PTK2B: variants seen among roughly 807,000 people sequenced by gnomAD.
The protein encoded by PTK2B is protein tyrosine kinase 2 beta, also known as protein-tyrosine kinase 2-beta.
Under a neutral mutation model 142.9 loss-of-function variants are expected in PTK2B, and 71 were observed. The ratio of observed to expected loss-of-function variants is 0.50; its 90% CI spans 0.41 to 0.61. The LOEUF is 0.61. Ranked by LOEUF, PTK2B falls within the 20% of genes least tolerant of loss-of-function variation. PTK2B has a pLI of 0.00. For synonymous variants in PTK2B, 519 were observed against 503.4 expected (o/e 1.03, Z -0.42); for missense variants, 1,105 against 1,320.4 (o/e 0.84, Z 2.53).
chr8:27,318,587 G>A (rs1563453961), intron 3 of PTK2B, among the ~76,000 whole-genome samples: 1 of 152,166 alleles, frequency 6.6e-6, no homozygotes, highest in African/African-American at 2.4e-5. Flanking sequence ...CAATAGCTGC[G>A]GAAACCATGT....
chr8:27,310,812 G>A (rs893956370), upstream of PTK2B: 1 of 1,596,740 alleles, frequency 6.3e-7, no homozygotes. Flanking sequence ...CGAAAGTCGT[G>A]GGCAGTGTCC....
At chr8:27,455,888 T>TCCCACTGCTGGAGC (rs1298037658) in intron 30 of PTK2B, among the ~76,000 whole-genome samples, 9 of 152,220 alleles carry the variant, frequency 5.9e-5, no homozygotes, top group Admixed American at 5.9e-4. Context: ...AGCCCTTTGA[T>TCCCACTGCTGGAGC]CCACTGCCTC....
At chr8:27,325,297 A>G (rs1277530368), upstream of PTK2B, 2 of 152,250 alleles carry the variant, frequency 1.3e-5, no homozygotes, top group African/African-American at 4.8e-5. Flanking sequence ...GGTGTTAGGA[A>G]TTGGGGAGTT....
At chr8:27,328,721 G>A (rs937520145) in intron 1 of PTK2B, among the ~76,000 whole-genome samples, 2 of 152,142 alleles carry the variant, frequency 1.3e-5, no homozygotes, top group Non-Finnish European at 2.9e-5. Context: ...AAAAAGACAC[G>A]TGTCATTCCC....
chr8:27,346,029 A>G (rs1338193097), intron 1 of PTK2B, among the ~76,000 whole-genome samples: 1 of 152,180 alleles, frequency 6.6e-6, no homozygotes, highest in Non-Finnish European at 1.5e-5. Context: ...CTCTGCCAGA[A>G]GAGCTGTTTC....
chr8:27,378,601 C>CCGTGTG lies in PTK2B; in HGVS notation c.-37-18947_-37-18946insCGTGTG, dbSNP rs1234594101. Among the ~76,000 whole-genome samples, 275 of 148,284 alleles carry CCGTGTG rather than the reference C, an allele frequency of 1.9e-3. 2 individuals carry two copies. Among genetic ancestry groups the CCGTGTG allele is most frequent in the African/African-American group, 6.4e-3 (256 of 40,222 alleles). Reference sequence around the variant, plus strand: ...AAGAGTATAAAATCTTACAGCTTATCTGTGTGTGTGTGTGTGTGTGTGTGT... The same window carrying CCGTGTG: ...AAGAGTATAAAATCTTACAGCTTATCCGTGTGTGTGTGTGTGTGTGTGTGTGTGTGT... On this transcript the variant is annotated intron_variant, in intron 1 of 30. Transcript: ENST00000346049.
intron 1 of PTK2B, among the ~76,000 whole-genome samples, chr8:27,333,125 A>C (rs1256850993): frequency 6.6e-6 from 1 of 152,194 alleles, no homozygotes; most frequent in Non-Finnish European, 1.5e-5. Context: ...GACAGGATAC[A>C]CTGTGGGAAC....
At chr8:27,372,546 A>G (rs891245198) in intron 1 of PTK2B, among the ~76,000 whole-genome samples, 2 of 152,194 alleles carry the variant, frequency 1.3e-5, no homozygotes, top group Non-Finnish European at 2.9e-5. Context: ...CACTTTACTC[A>G]GTCTACCAAC....
At chr8:27,399,512 G>A in intron 2 of PTK2B, among the ~76,000 whole-genome samples, 1 of 152,166 alleles carries the variant, frequency 6.6e-6, no homozygotes, top group East Asian at 1.9e-4. Context: ...AAATGGACAG[G>A]CACTAGGGAA....
chr8:27,428,582 G>C (rs532549370), intron 5 of PTK2B, among the ~76,000 whole-genome samples: 1 of 152,270 alleles, frequency 6.6e-6, no homozygotes, highest in East Asian at 1.9e-4. Context: ...GACATTTGGG[G>C]CTGGATACTT....
chr8:27,450,651 G>A, intron 24 of PTK2B, 98 bp from the exon 25 acceptor site: 1 of 1,471,614 alleles, frequency 6.8e-7, no homozygotes. Context: ...CCAGGCCAAG[G>A]CTTGCAGCTG....
intron 2 of PTK2B, among the ~76,000 whole-genome samples, chr8:27,418,226 G>T (rs1809521855): frequency 6.6e-6 from 1 of 152,154 alleles, no homozygotes; most frequent in African/African-American, 2.4e-5. Context: ...CAGGCTGAGG[G>T]TCTTCTAGTT....
At chr8:27,430,528 C>T (rs1267770460) in intron 7 of PTK2B, 110 bp downstream of exon 7, 2 of 1,432,438 alleles carry the variant, frequency 1.4e-6, no homozygotes, top group East Asian at 2.3e-5. Context: ...TCTGCGCGGC[C>T]TCGGGCATTT....
At position 27,433,404 on chromosome 8, in the gene PTK2B, G is replaced by A. The variant is rs1365617738; in HGVS notation, c.988-31G>A. ...GGTGGTCTCTAGCCAAGGCTCTGGG[G>A]TCTCACCCTTGGCTGGTCTCTGCTC... On this transcript the variant is annotated intron_variant, in intron 10 of 30. Coordinates refer to ENST00000346049, the MANE Select transcript of PTK2B (RefSeq NM_173176.3). The A allele has an allele frequency of 3.8e-6, 6 of 1,576,226 alleles. No homozygotes were observed. The South Asian group carries it at 5.5e-5, about 15-fold the overall frequency.
At position 27,338,388 on chromosome 8, in the gene PTK2B, C is replaced by T. The variant is rs929541008; in HGVS notation, c.-38+12707C>T. On this transcript the variant is annotated intron_variant, in intron 1 of 30. Coordinates refer to ENST00000346049, the MANE Select transcript of PTK2B (RefSeq NM_173176.3). ...ATTATACAATGGACTTTGGGGGAATCGAGGGAAAGGGTGGGAGGGGGGTGA... is the reference window on the plus strand; with the variant it reads ...ATTATACAATGGACTTTGGGGGAATTGAGGGAAAGGGTGGGAGGGGGGTGA... 6.7e-5 allele frequency among the ~76,000 whole-genome samples: 10 copies of T among 149,386 alleles called. 1 individual carries two copies. The highest frequency in any genetic ancestry group is 6.4e-4 in the South Asian group (3 of 4,700).
chr8:27,330,968 G>A lies in PTK2B; in HGVS notation c.-38+5287G>A, dbSNP rs182450952. Reference sequence around the variant, plus strand: ...AAGATCAGCAATGGCCAATACCTGCGGGAGGCAAGCCTTCCCGTTTCCTAG... The same window carrying A: ...AAGATCAGCAATGGCCAATACCTGCAGGAGGCAAGCCTTCCCGTTTCCTAG... On this transcript the variant is annotated intron_variant, in intron 1 of 30. Coordinates refer to ENST00000346049, the MANE Select transcript of PTK2B (RefSeq NM_173176.3). Among the ~76,000 whole-genome samples the A allele has an allele frequency of 4.3e-3, 649 of 152,226 alleles. 7 individuals are homozygous for A. Among genetic ancestry groups the A allele is most frequent in the Non-Finnish European group, 5.5e-3 (373 of 68,010 alleles).
intron 1 of PTK2B, among the ~76,000 whole-genome samples, chr8:27,341,540 G>A: frequency 6.6e-6 from 1 of 152,162 alleles, no homozygotes; most frequent in East Asian, 1.9e-4. Context: ...CCAGGATGCG[G>A]CCACTTCAGT....
intron 1 of PTK2B, among the ~76,000 whole-genome samples, chr8:27,376,179 C>A (rs115955520): frequency 0.02 from 3,008 of 152,296 alleles, 103 homozygotes; most frequent in African/African-American, 0.068. Flanking sequence ...AAGACCTAGA[C>A]CCAGACAACA....
At chr8:27,333,159 G>A (rs1458086509) in intron 1 of PTK2B, among the ~76,000 whole-genome samples, 2 of 152,176 alleles carry the variant, frequency 1.3e-5, no homozygotes, top group African/African-American at 4.8e-5. Flanking sequence ...TGTAGTCAAA[G>A]AAGAGTATAA....
Sources: allele counts gnomAD v4.1 joint callset (sites outside exome capture counted in the v4.1 genomes callset), GRCh38; gene constraint gnomAD v4.1.1; transcripts MANE v1.5; gene names NCBI Gene and HGNC (gene_info 2026-07-23, HGNC 2026-07-21).